Variants in MPZL1 observed in about 807,000 individuals in gnomAD.
The protein encoded by MPZL1 is myelin protein zero like 1.
MPZL1 carries 16 observed loss-of-function variants against 29.3 expected under a neutral mutation model. That is an observed-to-expected ratio of 0.55 (90% CI 0.37 to 0.83). MPZL1 has a LOEUF of 0.83. Among genes scored for constraint, MPZL1 ranks in the 40% least tolerant of loss-of-function variants. The pLI is 0.00. For missense variants in MPZL1, 279 were observed against 332.9 expected (o/e 0.84, Z 1.26); for synonymous variants, 143 against 132.0 (o/e 1.08, Z -0.57).
chr1:167,736,624 C>T (rs1000230751), intron 1 of MPZL1, among the ~76,000 whole-genome samples: 6 of 152,206 alleles, frequency 3.9e-5, no homozygotes, highest in African/African-American at 1.4e-4. Flanking sequence ...CCTCACCTCA[C>T]CTCCCTGGAT....
At position 167,787,861 on chromosome 1, in the gene MPZL1, T is replaced by C; in HGVS notation, c.750T>C (p.His250=). Residue 250 remains histidine (H), a synonymous_variant, in exon 6 of 6, where the codon CAT becomes CAC. Transcript: ENST00000359523. ...IYAQLDHSGG[H]HSDKINKSES... ...CACAGTTAGACCACTCCGGCGGACA[T>C]CACAGTGACAAGATTAACAAGTCAG... 1 of 1,613,944 alleles carries C rather than the reference T, an allele frequency of 6.2e-7. No individual in the cohort carries two copies. The highest frequency in any genetic ancestry group is 8.5e-7 in the Non-Finnish European group (1 of 1,179,826).
At position 167,751,912 on chromosome 1, in the gene MPZL1, T is replaced by G. The variant is rs558431616; in HGVS notation, c.92-13671T>G. Reference sequence around the variant, plus strand: ...GGGGAAAAAATTATTCCAATAAATTTTCCAGTAATTATTCCAAATGTCTCT... The same window carrying G: ...GGGGAAAAAATTATTCCAATAAATTGTCCAGTAATTATTCCAAATGTCTCT... On this transcript the variant is annotated intron_variant, in intron 1 of 5. Coordinates refer to ENST00000359523, the MANE Select transcript of MPZL1 (RefSeq NM_003953.6). 1.2e-4 allele frequency among the ~76,000 whole-genome samples: 19 copies of G among 152,288 alleles called. No homozygotes were observed. In the South Asian group the frequency reaches 3.9e-3, roughly 32 times the overall value.
chr1:167,729,571 T>C (rs1014630337), intron 1 of MPZL1, among the ~76,000 whole-genome samples: 3 of 152,166 alleles, frequency 2.0e-5, no homozygotes, highest in African/African-American at 7.2e-5. Context: ...TTAGGAAGCA[T>C]AGATAGAGGA....
chr1:167,786,192 A>G (rs1462382909), intron 5 of MPZL1, among the ~76,000 whole-genome samples: 1 of 152,166 alleles, frequency 6.6e-6, no homozygotes, highest in Non-Finnish European at 1.5e-5. Context: ...ATTATTAACC[A>G]TGTGATCTGT....
At chr1:167,776,903 A>T (rs1383555194) in intron 5 of MPZL1, among the ~76,000 whole-genome samples, 1 of 152,206 alleles carries the variant, frequency 6.6e-6, no homozygotes, top group African/African-American at 2.4e-5. Flanking sequence ...TGGATTTAAG[A>T]GGAAATAAAG....
intron 1 of MPZL1, among the ~76,000 whole-genome samples, chr1:167,734,468 G>T (rs1182427612): frequency 6.6e-6 from 1 of 151,986 alleles, no homozygotes; most frequent in African/African-American, 2.4e-5. Flanking sequence ...CTGATTAGTG[G>T]GCCCATATCA....
At chr1:167,746,277 T>A (rs1660644950) in intron 1 of MPZL1, among the ~76,000 whole-genome samples, 1 of 151,858 alleles carries the variant, frequency 6.6e-6, no homozygotes, top group Non-Finnish European at 1.5e-5. Flanking sequence ...GGCTAGAAGT[T>A]TGATGTGGCA....
At chr1:167,737,986 C>T (rs1202168288) in intron 1 of MPZL1, among the ~76,000 whole-genome samples, 10 of 152,098 alleles carry the variant, frequency 6.6e-5, no homozygotes, top group Admixed American at 5.9e-4. Flanking sequence ...AGTGCAGTGG[C>T]GCAATCTCGG....
chr1:167,757,313 G>T (rs1660888703), intron 1 of MPZL1, among the ~76,000 whole-genome samples: 2 of 152,182 alleles, frequency 1.3e-5, no homozygotes, highest in African/African-American at 4.8e-5. Context: ...CACTGTGAGG[G>T]AATCGTGTGG....
At position 167,791,585 on chromosome 1, in the gene MPZL1, A is replaced by G. The variant is rs1274355833; in HGVS notation, c.*3664A>G. ...TGGCTTACCCAGGGCCACTTAGCTA[A>G]TAAAGGAACAGAGAAGAGGGGCTGG... On this transcript the variant is annotated 3_prime_UTR_variant, in exon 6 of 6. Coordinates refer to ENST00000359523, the MANE Select transcript of MPZL1 (RefSeq NM_003953.6). 1 of 152,298 alleles carries G rather than the reference A, an allele frequency of 6.6e-6. No individual in the cohort carries two copies. The highest frequency in any genetic ancestry group is 2.4e-5 in the African/African-American group (1 of 41,456). 9.4% of individuals were successfully genotyped at this position (152,298 alleles called of 1,614,324 possible). A position where few individuals can be genotyped will look rare whatever the true frequency, so the allele number is the denominator to read the frequency against.
At chr1:167,751,389 G>A (rs908870026) in intron 1 of MPZL1, among the ~76,000 whole-genome samples, 11 of 152,128 alleles carry the variant, frequency 7.2e-5, no homozygotes, top group African/African-American at 2.4e-4. Flanking sequence ...AAATGTATGC[G>A]CCGGGCGCGG....
intron 1 of MPZL1, among the ~76,000 whole-genome samples, chr1:167,756,580 A>G (rs1225220527): frequency 1.3e-5 from 2 of 152,058 alleles, no homozygotes; most frequent in East Asian, 3.8e-4. Context: ...TTGATCCTGA[A>G]TTATCTCTGC....
At chr1:167,767,152 G>T (rs1035288707) in intron 2 of MPZL1, among the ~76,000 whole-genome samples, 1 of 152,148 alleles carries the variant, frequency 6.6e-6, no homozygotes, top group African/African-American at 2.4e-5. Flanking sequence ...TATAAGAGAG[G>T]CCTTCCCTTA....
At chr1:167,732,264 A>G (rs559400766) in intron 1 of MPZL1, among the ~76,000 whole-genome samples, 3 of 152,348 alleles carry the variant, frequency 2.0e-5, no homozygotes, top group Admixed American at 2.0e-4. Context: ...AGTACTAAGA[A>G]CTACAAAATA....
intron 5 of MPZL1, chr1:167,786,960 G>A (rs1354436022): frequency 6.6e-6 from 1 of 152,138 alleles, no homozygotes; most frequent in Non-Finnish European, 1.5e-5. Flanking sequence ...CCACCTATCT[G>A]ACCTCTTCCC....
At chr1:167,734,471 C>G (rs1660337421) in intron 1 of MPZL1, among the ~76,000 whole-genome samples, 1 of 152,048 alleles carries the variant, frequency 6.6e-6, no homozygotes, top group Non-Finnish European at 1.5e-5. Context: ...ATTAGTGGGC[C>G]CATATCAGTA....
At chr1:167,731,434 C>CTTTTT (rs1255648939) in intron 1 of MPZL1, among the ~76,000 whole-genome samples, 3 of 121,588 alleles carry the variant, frequency 2.5e-5, no homozygotes, top group Non-Finnish European at 3.4e-5. Context: ...AAAACTGTGT[C>CTTTTT]TTTTTTTTTT....
At chr1:167,780,322 A>G (rs1165962824) in intron 5 of MPZL1, among the ~76,000 whole-genome samples, 2 of 152,226 alleles carry the variant, frequency 1.3e-5, no homozygotes, top group Non-Finnish European at 2.9e-5. Flanking sequence ...TGGATAGAAA[A>G]GCAAGAACCA....
At chr1:167,725,119 A>G (rs1309731610) in intron 1 of MPZL1, among the ~76,000 whole-genome samples, 1 of 152,188 alleles carries the variant, frequency 6.6e-6, no homozygotes, top group Admixed American at 6.5e-5. Flanking sequence ...CAGGCCAGAA[A>G]CCTAGGGTCC....
Sources: gnomAD v4.1 joint callset for allele counts (sites outside exome capture counted in the v4.1 genomes callset) on GRCh38, gnomAD v4.1.1 for gene constraint, MANE v1.5 for transcripts, NCBI Gene and HGNC (gene_info 2026-07-23, HGNC 2026-07-21) for gene names.